ZNF540: variants seen among roughly 807,000 people sequenced by gnomAD.
ZNF540 encodes zinc finger protein 540, also known as CTD-3064H18.6.
Under a neutral mutation model 11.8 loss-of-function variants are expected in ZNF540, and 3 were observed. That is an observed-to-expected ratio of 0.25 (90% CI 0.12 to 0.65). The LOEUF is 0.65. Ranked by LOEUF, ZNF540 falls within the 30% of genes least tolerant of loss-of-function variation. The probability of loss-of-function intolerance (pLI) is 0.83; values close to 1 mark genes in which losing one functional copy is unlikely to be tolerated. For synonymous variants in ZNF540, 247 were observed against 259.0 expected, an observed-to-expected ratio of 0.95 and a Z score of 0.45; for missense variants, 709 against 793.1, an observed-to-expected ratio of 0.89 and a Z score of 1.27.
At position 37,564,646 on chromosome 19, in the gene ZNF540, G is replaced by A. The variant is rs375567224; in HGVS notation, c.-73+12981G>A. The A allele has an allele frequency of 2.5e-6, 4 of 1,592,462 alleles. No individual in the cohort carries two copies. The African/African-American group carries it at 4.0e-5, about 16-fold the overall frequency. ...GAGTAAGTTGTGAAGGACATCTAAA[G>A]TCTTTACCACACTGGACACATGTAT... On this transcript the variant is annotated intron_variant, in intron 1 of 4. Transcript: ENST00000592533.
intron 1 of ZNF540, 30 bp downstream of exon 1, chr19:37,595,125 T>G (rs1367843270): frequency 6.6e-6 from 1 of 152,194 alleles, no homozygotes; most frequent in East Asian, 1.9e-4. Flanking sequence ...CTGACAGCTC[T>G]GGCCGTGACG....
rs1328958027 is a variant in ZNF540 at position 37,594,929 on chromosome 19, C to T, written c.-239C>T. The T allele has an allele frequency of 2.0e-5, 3 of 152,210 alleles. No homozygotes were observed. In the East Asian group the frequency reaches 5.8e-4, roughly 29 times the overall value. The allele number at this position is 152,210 out of a possible 1,614,324, so 9.4% of individuals were successfully genotyped here. ...CAGAACGATCCCTGAGGCTCCCTTG[C>T]TCGAACTGTGGGACTTACCCTACTA... On this transcript the variant is annotated 5_prime_UTR_variant, in exon 1 of 5. Transcript: ENST00000316433.
intron 4 of ZNF540, 157 bp from the exon 5 acceptor site, chr19:37,611,351 TGTTGC>T: frequency 1.8e-6 from 1 of 563,148 alleles, no homozygotes; most frequent in Non-Finnish European, 3.0e-6. Context: ...TCTAAGCTCA[TGTTGC>T]CTAATTTCAA....
chr19:37,560,462 C>T (rs941704876), intron 1 of ZNF540: 2 of 149,810 alleles, frequency 1.3e-5, no homozygotes, highest in Non-Finnish European at 3.0e-5. Flanking sequence ...ACCTCTGCCT[C>T]CTGGGTTCAA....
Position 37,612,740 on chromosome 19 carries a change from A to C in ZNF540, c.1460A>C (p.Lys487Thr), listed in dbSNP as rs1403365902. 3 of 1,614,030 alleles carry C rather than the reference A, an allele frequency of 1.9e-6. No individual in the cohort carries two copies. The highest frequency in any genetic ancestry group is 2.2e-5 in the East Asian group (1 of 44,868). ...RVRSQISLHKKIHTDVKPYKC... is the reference protein window; with the variant it reads ...RVRSQISLHKTIHTDVKPYKC... Reference sequence around the variant, plus strand: ...CGTTCTCAAATTAGTCTACATAAGAAAATTCATACTGATGTGAAGCCCTAC... The same window carrying C: ...CGTTCTCAAATTAGTCTACATAAGACAATTCATACTGATGTGAAGCCCTAC... Residue 487 changes from lysine (K) to threonine (T), a missense_variant, in exon 5 of 5, where the codon AAA becomes ACA. Lys to Thr is a moderately conservative substitution (Grantham distance 78). Transcript: ENST00000316433.
Position 37,613,164 on chromosome 19 carries a change from TCA to T in ZNF540, c.1888_1889del (p.Thr630TrpfsTer2). The T allele has an allele frequency of 6.2e-7, 1 of 1,613,788 alleles. No homozygotes were observed. The highest frequency in any genetic ancestry group is 8.5e-7 in the Non-Finnish European group (1 of 1,179,774). On this transcript the variant is annotated frameshift_variant, in exon 5 of 5. Transcript: ENST00000316433. LOFTEE classifies it low-confidence loss of function (END_TRUNC). ...NSHLTEHQRI[H>X]TGEKPYECKV... ...CACACCTTACTGAACATCAGAGAAT[TCA>T]CACTGGTGAGAAACCCTATGAGTGT...
intron 1 of ZNF540, among the ~76,000 whole-genome samples, chr19:37,575,295 T>C (rs2043205483): frequency 6.6e-6 from 1 of 152,234 alleles, no homozygotes; most frequent in African/African-American, 2.4e-5. Flanking sequence ...TGTGTAATCA[T>C]ACATTAAGAT....
At position 37,612,327 on chromosome 19, in the gene ZNF540, T is replaced by C. The variant is rs544295776; in HGVS notation, c.1047T>C (p.His349=). The C allele has an allele frequency of 6.2e-7, 1 of 1,614,140 alleles. No homozygotes were observed. Among genetic ancestry groups the C allele is most frequent in the East Asian group, 2.2e-5 (1 of 44,872 alleles). The change falls in exon 5 of 5, where the codon CAT becomes CAC. Residue 349 remains histidine, a synonymous_variant. Transcript: ENST00000316433. The part of the protein sequence containing the change: ...CGQLTRHQKI[H]TGVKPYECKE... ...AACTTACCCGTCATCAGAAAATTCA[T>C]ACTGGTGTAAAACCCTACGAATGTA...
chr19:37,608,400 ATC>A (rs2044101028), intron 4 of ZNF540, among the ~76,000 whole-genome samples: 1 of 152,062 alleles, frequency 6.6e-6, no homozygotes, highest in African/African-American at 2.4e-5. Context: ...TAGAATATTC[ATC>A]TCTCTGTTTT....
At chr19:37,574,477 T>C (rs1180310115) in intron 1 of ZNF540, among the ~76,000 whole-genome samples, 1 of 152,230 alleles carries the variant, frequency 6.6e-6, no homozygotes, top group Admixed American at 6.5e-5. Context: ...CAAATGACTA[T>C]GCCACTCTAC....
chr19:37,559,749 T>C (rs537953280), intron 1 of ZNF540, among the ~76,000 whole-genome samples: 60 of 152,196 alleles, frequency 3.9e-4, no homozygotes, highest in African/African-American at 1.3e-3. Flanking sequence ...AAGGCAAAAA[T>C]AGGGTGATTA....
chr19:37,569,632 T>A lies in ZNF540; in HGVS notation c.-73+17967T>A, dbSNP rs1158704628. Among the ~76,000 whole-genome samples the A allele has an allele frequency of 1.3e-5, 2 of 152,182 alleles. No homozygotes were observed. Among genetic ancestry groups the A allele is most frequent in the African/African-American group, 4.8e-5 (2 of 41,430 alleles). Reference sequence around the variant, plus strand: ...AACCTACTAGGTTGTATTCATAACCTCTAGCAGGTTCTGCCCGGCCTGGCT... The same window carrying A: ...AACCTACTAGGTTGTATTCATAACCACTAGCAGGTTCTGCCCGGCCTGGCT... On this transcript the variant is annotated intron_variant, in intron 1 of 4. Transcript: ENST00000592533. This position sits in a 1 kb window ranked among gnomAD's most constrained non-coding sequence, Gnocchi z 4.4.
intron 1 of ZNF540, among the ~76,000 whole-genome samples, chr19:37,574,408 CA>C (rs1441902673): frequency 1.3e-5 from 2 of 152,168 alleles, no homozygotes; most frequent in Non-Finnish European, 1.5e-5. Flanking sequence ...GTCTTGCAAT[CA>C]GTATTATTTT....
At chr19:37,596,135 GAT>G (rs2043992031) in intron 1 of ZNF540, among the ~76,000 whole-genome samples, 1 of 152,170 alleles carries the variant, frequency 6.6e-6, no homozygotes. Flanking sequence ...TGTTGACATT[GAT>G]AGTCAAGATA....
At position 37,613,198 on chromosome 19, in the gene ZNF540, T is replaced by C; in HGVS notation, c.1918T>C (p.Cys640Arg). ...TGAGAAACCCTATGAGTGTAAGGTA[T>C]GTAGAAAGGCCTTTAGACAATATTC... is the stretch of plus-strand genomic sequence containing the variant. ...TGEKPYECKV[C>R]RKAFRQYSHL... The change falls in exon 5 of 5, where the codon TGT (cysteine) becomes CGT (arginine). Residue 640 changes from cysteine (C) to arginine (R), a missense_variant. Transcript: ENST00000316433. The C allele has an allele frequency of 6.3e-7, 1 of 1,594,996 alleles. No homozygotes were observed. Among genetic ancestry groups the C allele is most frequent in the Non-Finnish European group, 8.5e-7 (1 of 1,170,458 alleles).
intron 1 of ZNF540, among the ~76,000 whole-genome samples, chr19:37,554,044 C>A (rs1568333539): frequency 6.6e-6 from 1 of 152,146 alleles, no homozygotes; most frequent in Non-Finnish European, 1.5e-5. Flanking sequence ...AGGTTTGTTA[C>A]ATTGGCAAAC....
At chr19:37,576,888 G>A (rs2043260875) in intron 1 of ZNF540, among the ~76,000 whole-genome samples, 1 of 151,948 alleles carries the variant, frequency 6.6e-6, no homozygotes, top group Admixed American at 6.6e-5. Flanking sequence ...AAAACACAAA[G>A]GACTTGGCAG....
In ZNF540 at chr19:37,611,533, A is replaced by G. The variant is rs765118053; in HGVS notation, c.253A>G (p.Thr85Ala). 6.2e-7 allele frequency: 1 copy of G among 1,600,494 alleles called. No individual in the cohort carries two copies. The highest frequency in any genetic ancestry group is 1.1e-5 in the South Asian group (1 of 87,858). Residue 85 changes from threonine (T) to alanine (A), a missense_variant, in exon 5 of 5, where the codon ACC becomes GCC. Transcript: ENST00000316433. ...QCPGLLSRHK[T>A]KKLSSEKDIH... ...TTCAGGTTTGTTATCCAGGCATAAGACCAAGAAATTATCTTCAGAAAAGGA... is the reference window on the plus strand; with the variant it reads ...TTCAGGTTTGTTATCCAGGCATAAGGCCAAGAAATTATCTTCAGAAAAGGA...
Position 37,613,684 on chromosome 19 carries a change from T to C in ZNF540, c.*421T>C, listed in dbSNP as rs889617448. On this transcript the variant is annotated 3_prime_UTR_variant, in exon 5 of 5. Coordinates refer to ENST00000316433, the MANE Select transcript of ZNF540 (RefSeq NM_001172225.3). ...CTGTTTTTATTATCATCAACATTAT[T>C]ATTAGTGGATTTCTTAATAGGAAGA... 24 of 397,404 alleles carry C rather than the reference T, an allele frequency of 6.0e-5. No homozygotes were observed. Among genetic ancestry groups the C allele is most frequent in the African/African-American group, 4.7e-4 (23 of 48,614 alleles). The allele number at this position is 397,404 out of a possible 1,614,324, so 24.6% of individuals were successfully genotyped here.
Sources: allele counts gnomAD v4.1 joint callset (sites outside exome capture counted in the v4.1 genomes callset), GRCh38; gene constraint gnomAD v4.1.1; non-coding constraint Gnocchi (gnomAD v3.1); transcripts MANE v1.5; gene names NCBI Gene and HGNC (gene_info 2026-07-23, HGNC 2026-07-21).